Variants in RFX4 observed in about 807,000 individuals in gnomAD.
RFX4 encodes the protein transcription factor RFX4.
In RFX4, 10 loss-of-function variants were observed where a neutral mutation model predicts 95.0. That is an observed-to-expected ratio of 0.11 (90% CI 0.06 to 0.18). The LOEUF is 0.18. Ranked by LOEUF, RFX4 falls within the 10% of genes least tolerant of loss-of-function variation. The pLI is 1.00. For missense variants in RFX4, 640 were observed against 922.0 expected (o/e 0.69, Z 3.96); for synonymous variants, 321 against 340.7 (o/e 0.94, Z 0.64).
intron 17 of RFX4, among the ~76,000 whole-genome samples, chr12:106,757,656 G>T (rs1174912753): frequency 6.6e-6 from 1 of 152,152 alleles, no homozygotes. Flanking sequence ...GAGCCCTCTG[G>T]CAGTACTTTG....
intron 2 of RFX4, among the ~76,000 whole-genome samples, chr12:106,630,197 TTTTCC>T (rs1385606910): frequency 6.6e-6 from 1 of 152,188 alleles, no homozygotes; most frequent in Non-Finnish European, 1.5e-5. Flanking sequence ...ATGATTGCAG[TTTTCC>T]TGAGTGAGTC....
At chr12:106,584,279 C>T (rs2039419908) in intron 1 of RFX4, among the ~76,000 whole-genome samples, 1 of 152,178 alleles carries the variant, frequency 6.6e-6, no homozygotes, top group South Asian at 2.1e-4. Context: ...TGTTAACGCT[C>T]CCTAAGTCCC....
chr12:106,663,865 T>C (rs1227805164), intron 4 of RFX4, among the ~76,000 whole-genome samples: 2 of 151,900 alleles, frequency 1.3e-5, no homozygotes, highest in Non-Finnish European at 2.9e-5. Context: ...ATAGATTACA[T>C]TAATTGATTT....
chr12:106,641,370 AG>A (rs2040618586), intron 3 of RFX4, among the ~76,000 whole-genome samples: 1 of 149,358 alleles, frequency 6.7e-6, no homozygotes, highest in Non-Finnish European at 1.5e-5. Flanking sequence ...TCTAGCTCAT[AG>A]GGTAGTCATG....
At chr12:106,696,751 C>A (rs2041888087) in intron 8 of RFX4, among the ~76,000 whole-genome samples, 1 of 152,178 alleles carries the variant, frequency 6.6e-6, no homozygotes, top group Non-Finnish European at 1.5e-5. Context: ...GAATCATTTT[C>A]TTGGAGTCTG....
intron 17 of RFX4, among the ~76,000 whole-genome samples, chr12:106,755,003 G>A (rs973235730): frequency 6.6e-6 from 1 of 152,234 alleles, no homozygotes; most frequent in Non-Finnish European, 1.5e-5. Context: ...TAAAGACAAA[G>A]TATCCTTTGT....
At chr12:106,616,935 A>AT (rs150965941) in intron 2 of RFX4, among the ~76,000 whole-genome samples, 5,649 of 141,654 alleles carry the variant, frequency 0.04, 126 homozygotes, top group African/African-American at 0.065. Context: ...TAATTTTTGT[A>AT]TTTTTTTTTT....
Position 106,599,768 on chromosome 12 carries a change from C to T in RFX4, c.44-9029C>T, listed in dbSNP as rs181191782. On this transcript the variant is annotated intron_variant, in intron 1 of 17. Transcript: ENST00000392842. ...TCTCTAAGACATAATGAGCCTCTAG[C>T]GGCCTCCTACAGAGGGGGACAAGTA... Among the ~76,000 whole-genome samples, 8 of 152,014 alleles carry T rather than the reference C, an allele frequency of 5.3e-5. No homozygotes were observed. The East Asian group carries it at 5.8e-4, about 11-fold the overall frequency.
chr12:106,703,966 T>G (rs757232977), intron 8 of RFX4, among the ~76,000 whole-genome samples: 46 of 147,878 alleles, frequency 3.1e-4, no homozygotes, highest in Non-Finnish European at 5.3e-4. Flanking sequence ...CTTGGGTGGC[T>G]GAGGCACAAG....
intron 17 of RFX4, among the ~76,000 whole-genome samples, chr12:106,751,725 C>A (rs1009343483): frequency 6.6e-6 from 1 of 151,976 alleles, no homozygotes; most frequent in Non-Finnish European, 1.5e-5. Context: ...TTTGGCTGCA[C>A]AAATGTCTTC....
chr12:106,641,961 CTATATCTATCTATATCTA>C (rs1379981711), intron 3 of RFX4, among the ~76,000 whole-genome samples: 9 of 127,694 alleles, frequency 7.0e-5, no homozygotes, highest in African/African-American at 2.8e-4. Context: ...CTATCTATAT[CTATATCTATCTATATCTA>C]TATCTATATC....
At chr12:106,750,564 G>C (rs1055233312) in intron 16 of RFX4, 91 bp from the exon 17 acceptor site, 21 of 1,262,442 alleles carry the variant, frequency 1.7e-5, no homozygotes, top group East Asian at 2.8e-5. Flanking sequence ...AGAAGAAAAA[G>C]GAAAAAAAAT....
At chr12:106,600,704 C>A (rs867344667) in intron 1 of RFX4, among the ~76,000 whole-genome samples, 6 of 152,086 alleles carry the variant, frequency 3.9e-5, no homozygotes, top group African/African-American at 4.8e-5. Context: ...ACTTTGGATT[C>A]TTCCCAACTT....
chr12:106,642,670 G>C (rs187055831), intron 3 of RFX4, among the ~76,000 whole-genome samples: 7 of 152,284 alleles, frequency 4.6e-5, no homozygotes, highest in African/African-American at 1.7e-4. Context: ...TAGATAGTGA[G>C]AAGTGCTGTG....
At chr12:106,713,024 T>A (rs1302594451) in intron 10 of RFX4, among the ~76,000 whole-genome samples, 1 of 152,160 alleles carries the variant, frequency 6.6e-6, no homozygotes, top group Non-Finnish European at 1.5e-5. Context: ...ACGTTCCCTC[T>A]CCACCTTCCG....
intron 2 of RFX4, among the ~76,000 whole-genome samples, chr12:106,624,292 C>G (rs1379709220): frequency 1.3e-5 from 2 of 152,122 alleles, no homozygotes; most frequent in African/African-American, 4.8e-5. Flanking sequence ...TTATACATCC[C>G]ATGATCTAAT....
At chr12:106,601,486 A>C (rs1381687956) in intron 1 of RFX4, 1 of 819,236 alleles carries the variant, frequency 1.2e-6, no homozygotes, top group Non-Finnish European at 1.9e-6. Context: ...CAATTTCCTA[A>C]AATAGGCCTC....
intron 3 of RFX4, 92 bp from the exon 4 acceptor site, chr12:106,654,136 G>A (rs773151918): frequency 2.0e-6 from 3 of 1,527,342 alleles, no homozygotes; most frequent in African/African-American, 2.7e-5. Context: ...TATTTCTAAG[G>A]ACTGCCCATC....
At chr12:106,675,412 C>G (rs1223270753) in intron 4 of RFX4, among the ~76,000 whole-genome samples, 1 of 151,830 alleles carries the variant, frequency 6.6e-6, no homozygotes, top group Non-Finnish European at 1.5e-5. Flanking sequence ...GCCTGGGTGA[C>G]GAGTGAGACT....
Sources: allele counts gnomAD v4.1 joint callset (sites outside exome capture counted in the v4.1 genomes callset), GRCh38; gene constraint gnomAD v4.1.1; transcripts MANE v1.5; gene names NCBI Gene and HGNC (gene_info 2026-07-23, HGNC 2026-07-21).